Variants in RGS6 observed in about 807,000 individuals in gnomAD.
RGS6 encodes regulator of G protein signaling 6, also known as regulator of G-protein signaling 6.
RGS6 carries 30 observed loss-of-function variants against 78.5 expected under a neutral mutation model. That is an observed-to-expected ratio of 0.38 (90% CI 0.29 to 0.52). The LOEUF is 0.52. Ranked by LOEUF, RGS6 falls within the 20% of genes least tolerant of loss-of-function variation. The probability of loss-of-function intolerance (pLI) is 0.85; values close to 1 mark genes in which losing one functional copy is unlikely to be tolerated. For missense variants in RGS6, 495 were observed against 609.7 expected, an observed-to-expected ratio of 0.81 and a Z score of 1.98; for synonymous variants, 206 against 206.0, an observed-to-expected ratio of 1.00 and a Z score of 0.00.
chr14:72,444,382 G>A (rs540159031), intron 3 of RGS6, among the ~76,000 whole-genome samples: 12 of 152,182 alleles, frequency 7.9e-5, no homozygotes, highest in Admixed American at 2.0e-4. Context: ...AGGTGAGGGG[G>A]GATGGGGCTT....
intron 2 of RGS6, among the ~76,000 whole-genome samples, chr14:72,190,389 C>CTCTTTCCGTA (rs1472790147): frequency 2.0e-5 from 3 of 152,212 alleles, no homozygotes; most frequent in Non-Finnish European, 4.4e-5. Flanking sequence ...AAAGAGACAA[C>CTCTTTCCGTA]ATTGTGGAAT....
At chr14:72,387,632 A>G (rs2088639442) in intron 3 of RGS6, among the ~76,000 whole-genome samples, 2 of 152,182 alleles carry the variant, frequency 1.3e-5, no homozygotes, top group Admixed American at 6.5e-5. Context: ...AAAAAAATGT[A>G]CATATATATG....
At chr14:71,917,444 C>A in the RGS6 span, among the ~76,000 whole-genome samples, 1 of 152,076 alleles carries the variant, frequency 6.6e-6, no homozygotes, top group African/African-American at 2.4e-5. Flanking sequence ...ACAAATAAAG[C>A]CTAAGTAATC....
rs148620218 is a variant in RGS6, at chr14:72,015,988, T to C, written c.84+51113T>C. On this transcript the variant is annotated intron_variant, in intron 2 of 17. Transcript: ENST00000553525. ...CAGTTTAATGGGCCCCAAATATCTT[T>C]ACTACTCTGTGGCTTATGTTTTGAC... Among the ~76,000 whole-genome samples the C allele has an allele frequency of 5.1e-3, 778 of 152,334 alleles. 8 individuals carry two copies. The highest frequency in any genetic ancestry group is 0.018 in the African/African-American group (740 of 41,578).
At position 72,131,218 on chromosome 14, in the gene RGS6, A is replaced by C. The variant is rs541681360; in HGVS notation, c.84+166343A>C. ...GTTCTTTCAACCCAATCTTGCTAAAAAGCTATTTTAATGCCCGACTGTGGA... is the reference window on the plus strand; with the variant it reads ...GTTCTTTCAACCCAATCTTGCTAAACAGCTATTTTAATGCCCGACTGTGGA... On this transcript the variant is annotated intron_variant, in intron 2 of 17. Transcript: ENST00000553525. Among the ~76,000 whole-genome samples, 6 of 152,312 alleles carry C rather than the reference A, an allele frequency of 3.9e-5. No individual in the cohort carries two copies. The East Asian group carries it at 1.2e-3, about 29-fold the overall frequency.
At chr14:72,028,319 G>A (rs751985713) in intron 2 of RGS6, among the ~76,000 whole-genome samples, 32 of 152,338 alleles carry the variant, frequency 2.1e-4, no homozygotes, top group East Asian at 7.7e-4. Context: ...GCAGCTGTTT[G>A]TGGAATTCCT....
At chr14:72,031,676 G>A (rs1411647219) in intron 2 of RGS6, among the ~76,000 whole-genome samples, 2 of 152,194 alleles carry the variant, frequency 1.3e-5, no homozygotes, top group Non-Finnish European at 2.9e-5. Flanking sequence ...TGCACTGGCT[G>A]TTAAAGCCTT....
chr14:72,258,793 C>T (rs945599007), intron 2 of RGS6, among the ~76,000 whole-genome samples: 4 of 152,036 alleles, frequency 2.6e-5, no homozygotes, highest in African/African-American at 7.3e-5. Flanking sequence ...GTATGAAATA[C>T]AGCAAGGTAA....
chr14:72,051,675 GT>G (rs2093256155), intron 2 of RGS6, among the ~76,000 whole-genome samples: 1 of 152,100 alleles, frequency 6.6e-6, no homozygotes, highest in Non-Finnish European at 1.5e-5. Context: ...GGAAGGAAAA[GT>G]TTTATTTCTG....
chr14:72,598,994 A>G, the RGS6 span, among the ~76,000 whole-genome samples: 1 of 152,066 alleles, frequency 6.6e-6, no homozygotes. Context: ...GACCCAGTGC[A>G]GCCACGGGAT....
At chr14:72,375,957 A>G (rs542821559) in intron 3 of RGS6, among the ~76,000 whole-genome samples, 21 of 152,296 alleles carry the variant, frequency 1.4e-4, no homozygotes, top group African/African-American at 4.8e-4. Context: ...CACAATAAAC[A>G]TGAAAAAGCA....
chr14:71,878,644 T>C, the RGS6 span, among the ~76,000 whole-genome samples: 1 of 152,326 alleles, frequency 6.6e-6, no homozygotes, highest in South Asian at 2.1e-4. Context: ...GGTGAGGCAA[T>C]GCCTTGCCCT....
chr14:72,571,830 T>G, the RGS6 span, among the ~76,000 whole-genome samples: 1 of 152,184 alleles, frequency 6.6e-6, no homozygotes. Context: ...TTAACAAAAT[T>G]TTTAAACTGT....
intron 2 of RGS6, among the ~76,000 whole-genome samples, chr14:72,030,388 A>T (rs957340488): frequency 1.3e-5 from 2 of 151,998 alleles, no homozygotes; most frequent in East Asian, 3.8e-4. Context: ...TAAAAGTTTG[A>T]AAAAATAAAA....
intron 2 of RGS6, among the ~76,000 whole-genome samples, chr14:72,278,635 A>G (rs990736002): frequency 3.3e-5 from 5 of 152,224 alleles, no homozygotes; most frequent in Non-Finnish European, 7.3e-5. Context: ...ATACTTAGAA[A>G]TAAATACGGA....
chr14:72,199,465 T>C (rs925287411), intron 2 of RGS6, among the ~76,000 whole-genome samples: 1 of 152,204 alleles, frequency 6.6e-6, no homozygotes. Context: ...ATTTTATCTT[T>C]CTTTTAGAAA....
chr14:72,093,645 A>G (rs564254515), intron 2 of RGS6, among the ~76,000 whole-genome samples: 1 of 152,184 alleles, frequency 6.6e-6, no homozygotes, highest in Non-Finnish European at 1.5e-5. Flanking sequence ...GCTCTAATGT[A>G]TCTAGTTTCT....
the RGS6 span, chr14:72,619,818 A>T: frequency 8.1e-7 from 1 of 1,240,906 alleles, no homozygotes; most frequent in East Asian, 2.6e-5. Context: ...CATTAGCATA[A>T]GGCCTGTACC....
chr14:72,549,655 C>T (rs1290542637), intron 17 of RGS6, among the ~76,000 whole-genome samples: 1 of 152,102 alleles, frequency 6.6e-6, no homozygotes, highest in Non-Finnish European at 1.5e-5. Context: ...TGAGGTCAGG[C>T]GTTCAAGACC....
Sources: gnomAD v4.1 joint callset for allele counts (sites outside exome capture counted in the v4.1 genomes callset) on GRCh38, gnomAD v4.1.1 for gene constraint, MANE v1.5 for transcripts, NCBI Gene and HGNC (gene_info 2026-07-23, HGNC 2026-07-21) for gene names.